The following SRRM4 variants were observed in gnomAD, a reference collection of about 807,000 sequenced individuals.
The protein encoded by SRRM4 is serine/arginine repetitive matrix 4.
Under a neutral mutation model 68.9 loss-of-function variants are expected in SRRM4, and 33 were observed. The ratio of observed to expected loss-of-function variants is 0.48; its 90% CI spans 0.36 to 0.64. The LOEUF is 0.64. SRRM4 is among the 30% of genes least tolerant of loss of function. The pLI is 0.00. For synonymous variants in SRRM4, 318 were observed against 318.8 expected, an observed-to-expected ratio of 1.00 and a Z score of 0.03; for missense variants, 817 against 827.1, an observed-to-expected ratio of 0.99 and a Z score of 0.15.
intron 1 of SRRM4, among the ~76,000 whole-genome samples, chr12:119,072,305 G>C: frequency 6.6e-6 from 1 of 152,184 alleles, no homozygotes; most frequent in East Asian, 1.9e-4. Flanking sequence ...GGGTGTGGCA[G>C]CTGTCATAGA....
At chr12:118,993,962 A>G (rs1175966217) in intron 1 of SRRM4, 1 of 152,230 alleles carries the variant, frequency 6.6e-6, no homozygotes, top group South Asian at 2.1e-4. Flanking sequence ...CGCTATGCCA[A>G]TGGGTTGTCT....
chr12:119,154,425 C>G lies in SRRM4; in HGVS notation c.1532+42C>G. 1 of 1,602,908 alleles carries G rather than the reference C, an allele frequency of 6.2e-7. No individual in the cohort carries two copies. The highest frequency in any genetic ancestry group is 8.5e-7 in the Non-Finnish European group (1 of 1,174,128). On this transcript the variant is annotated intron_variant, in intron 12 of 12. Transcript: ENST00000267260. The surrounding 1 kb of genome is among the most constrained non-coding windows in gnomAD (Gnocchi z 4.7). ...AGGGGGACCCACCTTCATCCTCGTT[C>G]CCACTCCCATTCTTACTCATTCGAG... is the stretch of plus-strand genomic sequence containing the variant.
chr12:118,988,614 G>C (rs1953297736), intron 1 of SRRM4, among the ~76,000 whole-genome samples: 1 of 152,134 alleles, frequency 6.6e-6, no homozygotes, highest in African/African-American at 2.4e-5. Flanking sequence ...AATACACAAA[G>C]TGGAAGAAGC....
At chr12:119,045,104 A>G (rs1205189483) in intron 1 of SRRM4, among the ~76,000 whole-genome samples, 1 of 152,174 alleles carries the variant, frequency 6.6e-6, no homozygotes, top group Non-Finnish European at 1.5e-5. Flanking sequence ...TGTTAGTGTC[A>G]TCGCTGGGCT....
chr12:118,982,609 T>A (rs1420554836), intron 1 of SRRM4, among the ~76,000 whole-genome samples: 1 of 151,204 alleles, frequency 6.6e-6, no homozygotes, highest in Non-Finnish European at 1.5e-5. Context: ...GACTCTGAGC[T>A]CAGGAGTCAG....
At chr12:119,132,586 C>G (rs1954305008) in intron 8 of SRRM4, among the ~76,000 whole-genome samples, 1 of 152,182 alleles carries the variant, frequency 6.6e-6, no homozygotes, top group South Asian at 2.1e-4. Context: ...AAAGCTGGGT[C>G]TGTCCTCCCA....
chr12:119,130,981 C>T, intron 8 of SRRM4, 147 bp downstream of exon 8: 1 of 906,444 alleles, frequency 1.1e-6, no homozygotes, highest in Non-Finnish European at 1.5e-6. Flanking sequence ...AATGATGAAC[C>T]AAATGATCAT....
chr12:119,069,207 A>C (rs1354078719), intron 1 of SRRM4, among the ~76,000 whole-genome samples: 1 of 152,216 alleles, frequency 6.6e-6, no homozygotes, highest in Non-Finnish European at 1.5e-5. Flanking sequence ...TGAGTGGTTT[A>C]GCATGTTACC....
At chr12:118,988,092 A>T (rs1194346438) in intron 1 of SRRM4, among the ~76,000 whole-genome samples, 2 of 152,014 alleles carry the variant, frequency 1.3e-5, no homozygotes, top group African/African-American at 2.4e-5. Flanking sequence ...TGTCTTAAGC[A>T]TGATAATGTA....
intron 9 of SRRM4, among the ~76,000 whole-genome samples, chr12:119,147,978 C>G (rs1954414722): frequency 6.6e-6 from 1 of 152,214 alleles, no homozygotes; most frequent in African/African-American, 2.4e-5. Context: ...GACACTCAGC[C>G]TGGTGCTGGG....
At chr12:118,983,438 A>G (rs1953262861) in intron 1 of SRRM4, among the ~76,000 whole-genome samples, 1 of 152,192 alleles carries the variant, frequency 6.6e-6, no homozygotes, top group Non-Finnish European at 1.5e-5. Flanking sequence ...AAATGCCATT[A>G]AAGGCTGATG....
intron 1 of SRRM4, among the ~76,000 whole-genome samples, chr12:119,091,012 G>A (rs1954011328): frequency 6.6e-6 from 1 of 152,208 alleles, no homozygotes; most frequent in Non-Finnish European, 1.5e-5. Flanking sequence ...CTCACAGCCT[G>A]CCATGGAGAT....
At chr12:119,082,450 C>T (rs925701290) in intron 1 of SRRM4, among the ~76,000 whole-genome samples, 3 of 152,224 alleles carry the variant, frequency 2.0e-5, no homozygotes, top group Non-Finnish European at 4.4e-5. Context: ...TGCTCTCTAG[C>T]GAGAAGGAGA....
chr12:118,987,921 G>C (rs772497579), intron 1 of SRRM4, among the ~76,000 whole-genome samples: 6 of 152,148 alleles, frequency 3.9e-5, no homozygotes, highest in African/African-American at 7.2e-5. Context: ...CATAATAACT[G>C]TACATATTTG....
At chr12:119,091,198 A>G (rs949056359) in intron 1 of SRRM4, among the ~76,000 whole-genome samples, 1 of 152,214 alleles carries the variant, frequency 6.6e-6, no homozygotes, top group African/African-American at 2.4e-5. Context: ...CTAGCTGATG[A>G]CAGGATCCTG....
chr12:119,083,476 G>A (rs191367363), intron 1 of SRRM4, among the ~76,000 whole-genome samples: 2 of 152,036 alleles, frequency 1.3e-5, no homozygotes, highest in Admixed American at 6.5e-5. Flanking sequence ...TGGTGCTTAG[G>A]TGGAACAATT....
Position 119,156,699 on chromosome 12 carries a change from C to T in SRRM4, c.1737C>T (p.Ser579=). ...SSSSRSPSPG[S]RSRSRSRSRS... is the part of the protein sequence containing the mutation. The stretch of plus-strand genomic sequence containing the variant: ...GCTCCCGCAGCCCTAGTCCGGGCTC[C>T]CGCAGCCGGAGCCGGAGCAGGAGCC... Residue 579 remains serine, a synonymous_variant, in exon 13 of 13, where the codon TCC becomes TCT. Transcript: ENST00000267260. The T allele has an allele frequency of 6.4e-7, 1 of 1,550,440 alleles. No individual in the cohort carries two copies. The highest frequency in any genetic ancestry group is 8.7e-7 in the Non-Finnish European group (1 of 1,148,170).
chr12:119,019,958 C>T (rs61402660), intron 1 of SRRM4, among the ~76,000 whole-genome samples: 2 of 73,740 alleles, frequency 2.7e-5, no homozygotes, highest in Non-Finnish European at 6.9e-5. Flanking sequence ...CTCCCCCCCC[C>T]CCCAAAAAAA....
chr12:119,132,235 T>TA (rs2136058695), intron 8 of SRRM4: 1 of 152,260 alleles, frequency 6.6e-6, no homozygotes, highest in East Asian at 1.9e-4. Flanking sequence ...AGATAGAAAG[T>TA]ATAGAGGCCT....
Sources: gnomAD v4.1 joint callset for allele counts (sites outside exome capture counted in the v4.1 genomes callset) on GRCh38, gnomAD v4.1.1 for gene constraint, Gnocchi (gnomAD v3.1) non-coding constraint, MANE v1.5 for transcripts, NCBI Gene and HGNC (gene_info 2026-07-23, HGNC 2026-07-21) for gene names.